Variants in ZNF541 observed in about 807,000 individuals in gnomAD.
ZNF541 encodes zinc finger protein 541.
ZNF541 carries 23 observed loss-of-function variants against 123.5 expected under a neutral mutation model. That is an observed-to-expected ratio of 0.19 (90% confidence interval 0.13 to 0.26). The LOEUF is 0.26. Ranked by LOEUF, ZNF541 falls within the 10% of genes least tolerant of loss-of-function variation. The pLI, the probability that ZNF541 is intolerant of heterozygous loss-of-function variation, is 1.00. For missense variants in ZNF541, 1,612 were observed against 1,789.9 expected (o/e 0.90, Z 1.79); for synonymous variants, 751 against 754.5 (o/e 1.00, Z 0.08).
At chr19:47,551,744 G>C (rs1478384502) in intron 3 of ZNF541, among the ~76,000 whole-genome samples, 5 of 152,054 alleles carry the variant, frequency 3.3e-5, no homozygotes, top group Admixed American at 6.6e-5. Context: ...ATGTTGCCCA[G>C]GTTAGTCTCA....
Position 47,538,414 on chromosome 19 carries a change from C to T in ZNF541, c.2822G>A (p.Arg941Gln), listed in dbSNP as rs200160121. The change falls in exon 9 of 17, where the codon CGA becomes CAA. Residue 941 changes from arginine to glutamine, a missense_variant. Physicochemically the swap from Arg to Gln is conservative, Grantham distance 43 (BLOSUM62 1). Transcript: ENST00000391901. ...CTGCTGGCTGCTCTCCTTGCTGTCTCGCTCCTCCCCGTCTTTCTCTTGTCC... is the reference window on the plus strand; with the variant it reads ...CTGCTGGCTGCTCTCCTTGCTGTCTTGCTCCTCCCCGTCTTTCTCTTGTCC... ...AMGQEKDGEE[R>Q]DSKESSQQRK... 10 of 1,530,304 alleles carry T rather than the reference C, an allele frequency of 6.5e-6. No homozygotes were observed. The highest frequency in any genetic ancestry group is 2.1e-5 in the Admixed American group (1 of 47,936). 94.8% of individuals were successfully genotyped at this position (1,530,304 alleles called of 1,614,324 possible). A position where few individuals can be genotyped will look rare whatever the true frequency, so the allele number is the denominator to read the frequency against.
At chr19:47,558,407 C>T (rs2123323122) in intron 2 of ZNF541, among the ~76,000 whole-genome samples, 1 of 151,482 alleles carries the variant, frequency 6.6e-6, no homozygotes, top group East Asian at 1.9e-4. Context: ...CAGAGCGAGA[C>T]TCCATCTCAA....
At chr19:47,532,349 G>A in intron 10 of ZNF541, 79 bp from the exon 11 acceptor site, 2 of 1,488,818 alleles carry the variant, frequency 1.3e-6, no homozygotes, top group Non-Finnish European at 1.8e-6. Flanking sequence ...CGCTCTGTAT[G>A]CCCTGCTCTT....
Position 47,545,825 on chromosome 19 carries a change from G to A in ZNF541, c.704C>T (p.Ala235Val). The A allele has an allele frequency of 6.5e-7, 1 of 1,548,130 alleles. No individual in the cohort carries two copies. Among genetic ancestry groups the A allele is most frequent in the Non-Finnish European group, 8.7e-7 (1 of 1,146,000 alleles). ...GTGGGCGTGGGGGGAGTCCCCGCAG[G>A]CCTCTTCCTCCGGGGGGGCTTCCTT... ...ILKEAPPEEE[A>V]CGDSPHAHES... Residue 235 changes from alanine to valine, a missense_variant, in exon 5 of 17, where the codon GCC becomes GTC. Transcript: ENST00000391901. This position sits in a 1 kb window ranked among gnomAD's most constrained non-coding sequence, Gnocchi z 7.5.
chr19:47,573,191 C>T (rs867745999), upstream of ZNF541, among the ~76,000 whole-genome samples: 44 of 150,220 alleles, frequency 2.9e-4, no homozygotes, highest in African/African-American at 1.0e-3. Flanking sequence ...GCCCGGCCCA[C>T]CCCCGGATCT....
chr19:47,550,335 GAA>G (rs997818845), intron 3 of ZNF541, among the ~76,000 whole-genome samples: 46 of 146,046 alleles, frequency 3.1e-4, no homozygotes, highest in African/African-American at 1.1e-3. Flanking sequence ...GAGAGAGAGA[GAA>G]AGAGAAAGAA....
intron 2 of ZNF541, among the ~76,000 whole-genome samples, chr19:47,571,290 T>G (rs1971469216): frequency 6.6e-6 from 1 of 152,130 alleles, no homozygotes; most frequent in Non-Finnish European, 1.5e-5. Flanking sequence ...TTTTTTGTAT[T>G]TTTAGTAGAG....
chr19:47,539,873 A>G lies in ZNF541; in HGVS notation c.2628T>C (p.Phe876=), dbSNP rs1174900993. ...TTAGCGGCTTGCAAAACTCTGTGCC[A>G]AACACCTAAACACAGAAGAGAAGAG... ...SPRGKQEPQV[F]GTEFCKPLRQ... Residue 876 remains phenylalanine, a synonymous_variant, in exon 8 of 17, where the codon TTT becomes TTC. Coordinates refer to ENST00000391901, the MANE Select transcript of ZNF541 (RefSeq NM_001277075.3). The G allele has an allele frequency of 1.5e-5, 23 of 1,523,458 alleles. No homozygotes were observed. Among genetic ancestry groups the G allele is most frequent in the Non-Finnish European group, 2.0e-5 (23 of 1,139,698 alleles). The allele number at this position is 1,523,458 out of a possible 1,614,324, so 94.4% of individuals were successfully genotyped here.
Position 47,544,932 on chromosome 19 carries a change from C to T in ZNF541, c.1597G>A (p.Asp533Asn), listed in dbSNP as rs753589926. The T allele has an allele frequency of 3.3e-6, 5 of 1,535,422 alleles. No individual in the cohort carries two copies. The South Asian group carries it at 4.8e-5, about 15-fold the overall frequency. ...AGCTGGCGGAAGAGCGGCGAGGCAT[C>T]CGCAGGGAGCCCGCCTGCCTTCTGG... is the stretch of plus-strand genomic sequence containing the variant. ...EAQKAGGLPA[D>N]ASPLFRQLFL... The change falls in exon 5 of 17, where the codon GAT becomes AAT. Residue 533 changes from aspartate (D) to asparagine (N), a missense_variant. Coordinates refer to ENST00000391901, the MANE Select transcript of ZNF541 (RefSeq NM_001277075.3).
rs1187089718 is a variant in ZNF541, at chr19:47,555,831, T to A, written c.26A>T (p.Glu9Val). 1.3e-6 allele frequency: 2 copies of A among 1,551,396 alleles called. No individual in the cohort carries two copies. Among genetic ancestry groups the A allele is most frequent in the Admixed American group, 2.0e-5 (1 of 50,996 alleles). Residue 9 changes from glutamate to valine, a missense_variant, in exon 3 of 17, where the codon GAG becomes GTG. By Grantham distance (121) the Glu-to-Val change is moderately radical. Around this residue, in one of 5 missense-constraint regions of ZNF541, gnomAD observed 212 missense variants for 289.6 expected, o/e 0.73. Coordinates refer to ENST00000391901, the MANE Select transcript of ZNF541 (RefSeq NM_001277075.3). Reference protein sequence around the residue: MDQYSLGDEGALPSEMHLP... With the variant: MDQYSLGDVGALPSEMHLP... The stretch of plus-strand genomic sequence containing the variant: ...GTGCATTTCTGATGGGAGGGCACCC[T>A]CGTCTCCAAGGCTGTACTGGTCCAT...
At chr19:47,570,576 T>TAAAAA (rs35955168) in intron 2 of ZNF541, among the ~76,000 whole-genome samples, 1 of 58,832 alleles carries the variant, frequency 1.7e-5, no homozygotes, top group Non-Finnish European at 3.1e-5. Flanking sequence ...GACTCTGTCC[T>TAAAAA]AAAAAAAAAA....
At chr19:47,570,576 T>C (rs1971439608) in intron 2 of ZNF541, among the ~76,000 whole-genome samples, 1 of 58,830 alleles carries the variant, frequency 1.7e-5, no homozygotes, top group Non-Finnish European at 3.1e-5. Flanking sequence ...GACTCTGTCC[T>C]AAAAAAAAAA....
At chr19:47,551,432 C>T (rs190333178) in intron 3 of ZNF541, among the ~76,000 whole-genome samples, 7 of 151,942 alleles carry the variant, frequency 4.6e-5, no homozygotes, top group Non-Finnish European at 7.4e-5. Flanking sequence ...TATTCACAGA[C>T]GCAATCATAG....
intron 2 of ZNF541, among the ~76,000 whole-genome samples, chr19:47,561,119 A>G (rs1971044655): frequency 6.6e-6 from 1 of 152,184 alleles, no homozygotes; most frequent in Non-Finnish European, 1.5e-5. Flanking sequence ...TTGCATGATA[A>G]TCTAATGCTG....
chr19:47,556,710 A>C (rs919340119), intron 2 of ZNF541, among the ~76,000 whole-genome samples: 1 of 151,846 alleles, frequency 6.6e-6, no homozygotes, highest in African/African-American at 2.4e-5. Flanking sequence ...AAGTCAATTT[A>C]ATACGTTTCT....
intron 12 of ZNF541, among the ~76,000 whole-genome samples, chr19:47,531,343 A>C (rs1969564065): frequency 6.6e-6 from 1 of 151,502 alleles, no homozygotes. Context: ...TAAGTAGATG[A>C]ATGCAGGGCC....
At chr19:47,523,219 G>A (rs1420256719) in intron 14 of ZNF541, among the ~76,000 whole-genome samples, 16 of 145,720 alleles carry the variant, frequency 1.1e-4, no homozygotes, top group African/African-American at 3.3e-4. Context: ...TAGTAGAGAC[G>A]GGGTTTCACC....
At chr19:47,540,659 C>T (rs1427439008) in intron 6 of ZNF541, among the ~76,000 whole-genome samples, 2 of 152,172 alleles carry the variant, frequency 1.3e-5, no homozygotes, top group African/African-American at 4.8e-5. Flanking sequence ...AGGCTGGTCT[C>T]GAATTCCTGA....
chr19:47,558,744 TA>T (rs1970937031), intron 2 of ZNF541, among the ~76,000 whole-genome samples: 1 of 149,258 alleles, frequency 6.7e-6, no homozygotes, highest in Non-Finnish European at 1.5e-5. Context: ...CACGCCCAGC[TA>T]ATTTTTTTTT....
Sources: allele counts gnomAD v4.1 joint callset (sites outside exome capture counted in the v4.1 genomes callset), GRCh38; gene constraint gnomAD v4.1.1; regional missense constraint gnomAD v4.1.1; non-coding constraint Gnocchi (gnomAD v3.1); transcripts MANE v1.5; gene names NCBI Gene and HGNC (gene_info 2026-07-23, HGNC 2026-07-21).